Variants in CELF1 observed in about 807,000 individuals in gnomAD.
CELF1 encodes the protein 50 kDa nuclear polyadenylated RNA-binding protein.
A neutral mutation model predicts 61.8 loss-of-function variants in CELF1; 10 were observed. That is an observed-to-expected ratio of 0.16 (90% CI 0.10 to 0.27). The LOEUF (loss-of-function observed/expected upper bound fraction) is 0.27, where lower values mean the gene tolerates loss of function less well. Ranked by LOEUF, CELF1 falls within the 10% of genes least tolerant of loss-of-function variation. The pLI, the probability that CELF1 is intolerant of heterozygous loss-of-function variation, is 1.00. For synonymous variants in CELF1, 236 were observed against 225.1 expected (o/e 1.05, Z -0.43); for missense variants, 380 against 639.1 (o/e 0.59, Z 4.37).
rs565624534 is a variant in CELF1 at position 47,476,090 on chromosome 11, C to T, written c.1088-569G>A. On this transcript the variant is annotated intron_variant, in intron 12 of 14. Coordinates refer to ENST00000687097, the MANE Select transcript of CELF1 (RefSeq NM_001376376.1). ...TCATAGCTCACTGCAGCCTCAAGCT[C>T]CCAGGCTCAAGCAATCCTCCCGGCC... 5.9e-5 allele frequency among the ~76,000 whole-genome samples: 9 copies of T among 151,574 alleles called. No homozygotes were observed. The South Asian group carries it at 1.5e-3, about 25-fold the overall frequency.
chr11:47,558,065 C>T (rs1216140192), upstream of CELF1, among the ~76,000 whole-genome samples: 1 of 151,982 alleles, frequency 6.6e-6, no homozygotes, highest in African/African-American at 2.4e-5. Context: ...CCATGTTGGC[C>T]AGACTGGTCT....
Position 47,473,100 on chromosome 11 carries a change from T to G in CELF1, c.1405A>C (p.Ser469Arg), listed in dbSNP as rs1485912746. The G allele has an allele frequency of 6.2e-7, 1 of 1,614,066 alleles. No individual in the cohort carries two copies. The highest frequency in any genetic ancestry group is 1.7e-5 in the Admixed American group (1 of 60,002). Residue 469 changes from serine to arginine, a missense_variant, in exon 14 of 15, where the codon AGC becomes CGC. Coordinates refer to ENST00000687097, the MANE Select transcript of CELF1 (RefSeq NM_001376376.1). The part of the protein sequence containing the change: ...KVFIDKQTNL[S>R]KCFGFVSYDN... ...GAAGCCAACATACCAAAACACTTGC[T>G]CAGGTTTGTCTGCTTGTCTATGAAA...
At chr11:47,545,901 G>A (rs1269424587) in intron 1 of CELF1, among the ~76,000 whole-genome samples, 5 of 114,972 alleles carry the variant, frequency 4.3e-5, no homozygotes, top group African/African-American at 1.8e-4. Flanking sequence ...GTGTGTGTGT[G>A]TGTGTATATA....
At chr11:47,520,821 C>G (rs75338972) in intron 1 of CELF1, among the ~76,000 whole-genome samples, 10 of 151,808 alleles carry the variant, frequency 6.6e-5, no homozygotes, top group East Asian at 3.9e-4. Flanking sequence ...TGCGCTCCCC[C>G]CCGACCCAAA....
intron 1 of CELF1, among the ~76,000 whole-genome samples, chr11:47,503,302 C>T (rs1380842118): frequency 6.6e-6 from 1 of 152,084 alleles, no homozygotes; most frequent in Non-Finnish European, 1.5e-5. Flanking sequence ...GATGAAAAAG[C>T]AAACAAAAGC....
chr11:47,524,776 G>A (rs562407316), intron 1 of CELF1: 2 of 152,304 alleles, frequency 1.3e-5, no homozygotes, highest in Admixed American at 1.3e-4. Flanking sequence ...GGAGGAGCAG[G>A]GAACTGAACA....
chr11:47,530,205 C>G (rs1463552997), intron 1 of CELF1, among the ~76,000 whole-genome samples: 1 of 152,114 alleles, frequency 6.6e-6, no homozygotes, highest in African/African-American at 2.4e-5. Context: ...TTAAAATCTT[C>G]CACATTTTAT....
intron 2 of CELF1, among the ~76,000 whole-genome samples, chr11:47,562,918 G>A (rs1433081128): frequency 2.0e-5 from 3 of 151,942 alleles, no homozygotes; most frequent in Non-Finnish European, 2.9e-5. Flanking sequence ...TGTTGGCCAG[G>A]CTGGTCTCAA....
chr11:47,486,759 TCTCA>T lies in CELF1; in HGVS notation c.378_381del (p.Ser126ArgfsTer15). 1 of 1,612,730 alleles carries T rather than the reference TCTCA, an allele frequency of 6.2e-7. No homozygotes were observed. The highest frequency in any genetic ancestry group is 8.5e-7 in the Non-Finnish European group (1 of 1,178,710). ...GTATACATTTGCTTACCATTGTTCT[TCTCA>T]CTGTCAGCAGGTTTCATCTGTATAG... On this transcript the variant is annotated frameshift_variant, in exon 6 of 15. Transcript: ENST00000687097. LOFTEE classifies it high-confidence loss of function.
intron 1 of CELF1, chr11:47,564,506 AC>A (rs1290154445): frequency 6.6e-6 from 1 of 151,490 alleles, no homozygotes; most frequent in East Asian, 1.9e-4. Context: ...CAAAAACTCC[AC>A]CAGATGCTTG....
intron 10 of CELF1, 131 bp from the exon 11 acceptor site, chr11:47,477,556 C>T (rs2080830110): frequency 1.1e-6 from 1 of 870,318 alleles, no homozygotes; most frequent in African/African-American, 1.7e-5. Context: ...GCCTTACAAA[C>T]AACATTACAG....
intron 2 of CELF1, among the ~76,000 whole-genome samples, chr11:47,561,409 C>T (rs2097224833): frequency 7.1e-6 from 1 of 140,202 alleles, no homozygotes; most frequent in African/African-American, 2.6e-5. Context: ...CACCACTGCA[C>T]TCCAGCCTGG....
At chr11:47,497,613 CG>C (rs906155076) in intron 3 of CELF1, among the ~76,000 whole-genome samples, 7 of 152,166 alleles carry the variant, frequency 4.6e-5, no homozygotes, top group African/African-American at 1.7e-4. Context: ...CAGATGCAAA[CG>C]TACTTGGAAA....
At chr11:47,488,407 T>C (rs2089061470) in intron 4 of CELF1, among the ~76,000 whole-genome samples, 1 of 152,230 alleles carries the variant, frequency 6.6e-6, no homozygotes, top group Admixed American at 6.5e-5. Context: ...AATGGGTATG[T>C]GGACAGTCTT....
intron 2 of CELF1, 146 bp from the exon 3 acceptor site, chr11:47,499,750 G>GC: frequency 1.9e-6 from 1 of 532,982 alleles, no homozygotes; most frequent in East Asian, 3.1e-5. Context: ...GGGAGGCTCA[G>GC]CCCAGCACAC....
intron 1 of CELF1, among the ~76,000 whole-genome samples, chr11:47,526,541 T>C (rs1214550375): frequency 6.6e-6 from 1 of 152,172 alleles, no homozygotes; most frequent in Non-Finnish European, 1.5e-5. Flanking sequence ...AAAAATAAAT[T>C]CAGACCATAA....
intron 1 of CELF1, among the ~76,000 whole-genome samples, chr11:47,508,395 C>A (rs7124681): frequency 0.36 from 55,165 of 151,560 alleles, 10,356 homozygotes; most frequent in Middle Eastern, 0.47. Context: ...GCAAGCTAGT[C>A]AGGGAATCTC....
chr11:47,557,524 C>CTTTTTCTTTTT (rs1555194247), upstream of CELF1: 2 of 3,022 alleles, frequency 6.6e-4, no homozygotes, highest in Non-Finnish European at 1.2e-3. Flanking sequence ...GCCTATTTTT[C>CTTTTTCTTTTT]TTTTTTTTTT....
chr11:47,475,568 G>A, intron 12 of CELF1, 47 bp from the exon 13 acceptor site: 1 of 1,580,340 alleles, frequency 6.3e-7, no homozygotes. Flanking sequence ...AGACTAAACT[G>A]ATGCCAAAGA....
Sources: allele counts gnomAD v4.1 joint callset (sites outside exome capture counted in the v4.1 genomes callset), GRCh38; gene constraint gnomAD v4.1.1; transcripts MANE v1.5; gene names NCBI Gene and HGNC (gene_info 2026-07-23, HGNC 2026-07-21).